FMN2: variants seen among roughly 807,000 people sequenced by gnomAD.
The protein encoded by FMN2 is formin 2.
A neutral mutation model predicts 142.3 loss-of-function variants in FMN2; 51 were observed. The observed-to-expected ratio is 0.36, with a 90% CI of 0.29 to 0.45. The LOEUF is 0.45. FMN2 is among the 20% of genes least tolerant of loss of function. The pLI, the probability that FMN2 is intolerant of heterozygous loss-of-function variation, is 1.00. For synonymous variants in FMN2, 882 were observed against 869.8 expected, an observed-to-expected ratio of 1.01 and a Z score of -0.25; for missense variants, 1,936 against 2,122.8, an observed-to-expected ratio of 0.91 and a Z score of 1.73.
chr1:240,472,528 T>A, intron 17 of FMN2, 75 bp downstream of exon 17: 1 of 915,076 alleles, frequency 1.1e-6, no homozygotes, highest in Middle Eastern at 3.3e-4. Flanking sequence ...TACAAACTCA[T>A]AATATTTTAA....
chr1:240,130,723 G>A (rs942112933), intron 2 of FMN2, among the ~76,000 whole-genome samples: 8 of 152,100 alleles, frequency 5.3e-5, no homozygotes, highest in Non-Finnish European at 1.0e-4. Flanking sequence ...CAAAGTTTTC[G>A]ACTGCCTCTT....
intron 2 of FMN2, chr1:240,143,489 T>C: frequency 1.3e-6 from 2 of 1,554,090 alleles, no homozygotes; most frequent in Non-Finnish European, 8.9e-7. Context: ...TTCTTTTCCT[T>C]CTTGCCTTTG....
intron 1 of FMN2, among the ~76,000 whole-genome samples, chr1:240,097,236 A>G (rs1661231093): frequency 6.6e-6 from 1 of 152,050 alleles, no homozygotes; most frequent in Non-Finnish European, 1.5e-5. Flanking sequence ...AACATTAGTG[A>G]TGTCCTCAAC....
Position 240,439,279 on chromosome 1 carries a change from A to AAAAAAAAAAAGAAAGAAAGAAAGAAAG in FMN2, c.5060+1072_5060+1073insAAAAAAAGAAAGAAAGAAAGAAAGAAA, listed in dbSNP as rs555074808. The stretch of plus-strand genomic sequence containing the variant: ...CAGAGCAAGGCTGTCTCAAAAAAAA[A>AAAAAAAAAAAGAAAGAAAGAAAGAAAG]AAAGAAAGAAAGAAAGAAAGAAAGA... On this transcript the variant is annotated intron_variant, in intron 16 of 17. Coordinates refer to ENST00000319653, the MANE Select transcript of FMN2 (RefSeq NM_020066.5). Among the ~76,000 whole-genome samples, 92 of 124,756 alleles carry AAAAAAAAAAAGAAAGAAAGAAAGAAAG rather than the reference A, an allele frequency of 7.4e-4. 1 individual carries two copies. Among genetic ancestry groups the AAAAAAAAAAAGAAAGAAAGAAAGAAAG allele is most frequent in the African/African-American group, 2.6e-3 (82 of 31,968 alleles). The allele number at this position is 124,756 out of a possible 152,430, so 81.8% of individuals were successfully genotyped here. A position where few individuals can be genotyped will look rare whatever the true frequency, so the allele number is the denominator to read the frequency against.
At chr1:240,323,966 T>G (rs774939831) in intron 8 of FMN2, among the ~76,000 whole-genome samples, 11 of 152,232 alleles carry the variant, frequency 7.2e-5, no homozygotes, top group Non-Finnish European at 1.6e-4. Context: ...CTCACTGTCA[T>G]GCTACCATTA....
chr1:240,474,191 G>T lies in FMN2; in HGVS notation c.*37G>T. 1 of 1,528,708 alleles carries T rather than the reference G, an allele frequency of 6.5e-7. No homozygotes were observed. Among genetic ancestry groups the T allele is most frequent in the Non-Finnish European group, 8.7e-7 (1 of 1,145,768 alleles). The allele number at this position is 1,528,708 out of a possible 1,614,324, so 94.7% of individuals were successfully genotyped here. A position where few individuals can be genotyped will look rare whatever the true frequency, so the allele number is the denominator to read the frequency against. ...CAGAATGAAAATGAGTCATTGCAAC[G>T]ACTTTCACAAAATTCAGCTGACCTG... On this transcript the variant is annotated 3_prime_UTR_variant, in exon 18 of 18. Transcript: ENST00000319653.
intron 7 of FMN2, among the ~76,000 whole-genome samples, chr1:240,271,079 C>G (rs544023914): frequency 1.3e-3 from 144 of 111,068 alleles, no homozygotes; most frequent in African/African-American, 5.2e-3. Context: ...TTTGACCCCC[C>G]TAGGAACTTT....
intron 2 of FMN2, among the ~76,000 whole-genome samples, chr1:240,155,544 GT>G: frequency 6.6e-6 from 1 of 152,242 alleles, no homozygotes; most frequent in East Asian, 1.9e-4. Context: ...GCCTCTCAAA[GT>G]GCTGGGATTA....
intron 13 of FMN2, among the ~76,000 whole-genome samples, chr1:240,352,599 A>C (rs917373224): frequency 3.9e-5 from 6 of 152,134 alleles, no homozygotes; most frequent in African/African-American, 1.4e-4. Context: ...TTTAAAAAAA[A>C]CAAACTGCTC....
At chr1:240,227,835 A>G (rs1324656721) in intron 6 of FMN2, among the ~76,000 whole-genome samples, 1 of 152,196 alleles carries the variant, frequency 6.6e-6, no homozygotes, top group Non-Finnish European at 1.5e-5. Flanking sequence ...TTCTACATCA[A>G]AGTTAACAAT....
chr1:240,438,950 A>G (rs9726342), intron 16 of FMN2, among the ~76,000 whole-genome samples: 9,154 of 152,212 alleles, frequency 0.06, 894 homozygotes, highest in African/African-American at 0.21. Flanking sequence ...CATCACTAAC[A>G]GTAACTTTGC....
intron 8 of FMN2, among the ~76,000 whole-genome samples, chr1:240,312,413 C>T (rs1023900632): frequency 2.0e-5 from 3 of 152,170 alleles, no homozygotes; most frequent in Admixed American, 6.5e-5. Context: ...TGCACCTTGT[C>T]TTTAGAATGC....
intron 16 of FMN2, chr1:240,457,696 G>C (rs1294374942): frequency 6.6e-6 from 1 of 152,226 alleles, no homozygotes; most frequent in African/African-American, 2.4e-5. Flanking sequence ...TCTGAAGAAA[G>C]AACCTTCCAC....
chr1:240,391,925 T>G (rs1317950953), intron 14 of FMN2, among the ~76,000 whole-genome samples: 2 of 152,294 alleles, frequency 1.3e-5, no homozygotes, highest in East Asian at 3.9e-4. Context: ...AAATTTGACC[T>G]TTGGGTTTGT....
chr1:240,291,058 C>T (rs1324457802), intron 7 of FMN2, among the ~76,000 whole-genome samples: 3 of 152,082 alleles, frequency 2.0e-5, no homozygotes, highest in African/African-American at 4.8e-5. Flanking sequence ...AGGTGATCCG[C>T]CTGCCTTGGC....
chr1:240,178,721 A>C (rs1665030681), intron 3 of FMN2, among the ~76,000 whole-genome samples: 1 of 152,102 alleles, frequency 6.6e-6, no homozygotes, highest in Non-Finnish European at 1.5e-5. Flanking sequence ...GGCATGAGCC[A>C]CCGCACCTGG....
chr1:240,429,022 A>T (rs1675050462), intron 15 of FMN2, among the ~76,000 whole-genome samples: 1 of 151,698 alleles, frequency 6.6e-6, no homozygotes, highest in African/African-American at 2.4e-5. Context: ...ACTTTTCCTT[A>T]TTTTATTTCT....
At chr1:240,232,270 TAAGTAGAGACAGGG>T (rs1667554051) in intron 6 of FMN2, among the ~76,000 whole-genome samples, 1 of 129,784 alleles carries the variant, frequency 7.7e-6, no homozygotes. Flanking sequence ...TTTTTTTTTT[TAAGTAGAGACAGGG>T]TTTCACAATG....
chr1:240,346,079 G>C (rs886834035), intron 13 of FMN2, among the ~76,000 whole-genome samples: 2 of 152,040 alleles, frequency 1.3e-5, no homozygotes, highest in African/African-American at 2.4e-5. Context: ...GGAAAAATAT[G>C]AACAGTATGA....
Sources: gnomAD v4.1 joint callset for allele counts (sites outside exome capture counted in the v4.1 genomes callset) on GRCh38, gnomAD v4.1.1 for gene constraint, MANE v1.5 for transcripts, NCBI Gene and HGNC (gene_info 2026-07-23, HGNC 2026-07-21) for gene names.